The following FBXL17 variants were observed in gnomAD, a reference collection of about 807,000 sequenced individuals.
FBXL17 encodes the protein F-box/LRR-repeat protein 17.
Under a neutral mutation model 66.2 loss-of-function variants are expected in FBXL17, and 22 were observed. The observed-to-expected ratio is 0.33, with a 90% confidence interval of 0.24 to 0.47. The LOEUF is 0.47. FBXL17 is among the 20% of genes least tolerant of loss of function. The pLI, the probability that FBXL17 is intolerant of heterozygous loss-of-function variation, is 1.00. For synonymous variants in FBXL17, 474 were observed against 400.5 expected, an observed-to-expected ratio of 1.18 and a Z score of -2.19; for missense variants, 878 against 948.2, an observed-to-expected ratio of 0.93 and a Z score of 0.97.
chr5:108,058,507 C>CA (rs939321538), intron 6 of FBXL17, among the ~76,000 whole-genome samples: 1 of 148,864 alleles, frequency 6.7e-6, no homozygotes, highest in Non-Finnish European at 1.5e-5. Context: ...TTTTTTTTGA[C>CA]AGAGTCTTGC....
At chr5:108,352,700 G>A (rs1213457816) in intron 3 of FBXL17, among the ~76,000 whole-genome samples, 6 of 151,504 alleles carry the variant, frequency 4.0e-5, no homozygotes, top group South Asian at 2.1e-4. Flanking sequence ...TAGTAGACAC[G>A]GAGTTTCACT....
chr5:108,352,545 C>A (rs1175125911), intron 3 of FBXL17, among the ~76,000 whole-genome samples: 3 of 152,182 alleles, frequency 2.0e-5, no homozygotes, highest in Non-Finnish European at 4.4e-5. Flanking sequence ...GAGTTTCGCT[C>A]TTTCGCCCAG....
At chr5:107,899,024 C>T (rs1227474802) in intron 7 of FBXL17, among the ~76,000 whole-genome samples, 1 of 152,174 alleles carries the variant, frequency 6.6e-6, no homozygotes, top group Non-Finnish European at 1.5e-5. Context: ...GGTTCTAGAT[C>T]TTTGAGGAAT....
intron 6 of FBXL17, among the ~76,000 whole-genome samples, chr5:108,093,483 T>C (rs1035997989): frequency 1.3e-5 from 2 of 152,140 alleles, no homozygotes; most frequent in African/African-American, 2.4e-5. Context: ...CTAAAGAAGA[T>C]TTCCTTTGAA....
chr5:108,373,603 A>G (rs1163764123), intron 1 of FBXL17, among the ~76,000 whole-genome samples: 1 of 152,104 alleles, frequency 6.6e-6, no homozygotes, highest in East Asian at 1.9e-4. Flanking sequence ...TAAATGGGCT[A>G]AACTTTCCAG....
At chr5:107,902,898 A>G (rs1749622099) in intron 7 of FBXL17, among the ~76,000 whole-genome samples, 1 of 152,082 alleles carries the variant, frequency 6.6e-6, no homozygotes, top group South Asian at 2.1e-4. Context: ...CAGACAATTG[A>G]AATTTTACTG....
chr5:108,332,941 CAAAAAAAA>C (rs34218940), intron 4 of FBXL17, among the ~76,000 whole-genome samples: 2 of 34,768 alleles, frequency 5.8e-5, no homozygotes, highest in Admixed American at 8.7e-4. Context: ...AAAGCAAAAG[CAAAAAAAA>C]AAAAAAAAAA....
chr5:108,356,483 A>C (rs1205002289), intron 3 of FBXL17, among the ~76,000 whole-genome samples: 1 of 152,138 alleles, frequency 6.6e-6, no homozygotes, highest in Non-Finnish European at 1.5e-5. Context: ...AGGCAATAGG[A>C]TATTATTCAT....
intron 7 of FBXL17, among the ~76,000 whole-genome samples, chr5:107,921,606 C>G (rs1750322990): frequency 6.6e-6 from 1 of 152,154 alleles, no homozygotes; most frequent in Admixed American, 6.6e-5. Context: ...GTTAAACCAA[C>G]TCCACATACA....
chr5:108,346,529 A>T (rs999995097), intron 4 of FBXL17, among the ~76,000 whole-genome samples: 11 of 152,130 alleles, frequency 7.2e-5, no homozygotes, highest in Non-Finnish European at 1.6e-4. Context: ...TCAACAAGAA[A>T]AATAAAAGTC....
In FBXL17 at chr5:108,134,114, A is replaced by C. The variant is rs79326380; in HGVS notation, c.1745+52003T>G. On this transcript the variant is annotated intron_variant, in intron 6 of 8. Coordinates refer to ENST00000542267, the MANE Select transcript of FBXL17 (RefSeq NM_001163315.3). ...TCATTTTTTCCAAAAATGGCAAAAA[A>C]CAATAAATAGTGATTCTCAAGATAA... Among the ~76,000 whole-genome samples the C allele has an allele frequency of 4.4e-3, 667 of 152,278 alleles. 2 individuals are homozygous for C. The highest frequency in any genetic ancestry group is 0.015 in the African/African-American group (640 of 41,570).
chr5:108,001,799 C>T (rs191802693), intron 7 of FBXL17, among the ~76,000 whole-genome samples: 52 of 151,250 alleles, frequency 3.4e-4, no homozygotes, highest in African/African-American at 1.0e-3. Flanking sequence ...CGTGCCCAGC[C>T]GGAAAATTAG....
At chr5:108,354,255 G>A (rs1405118197) in intron 3 of FBXL17, among the ~76,000 whole-genome samples, 3 of 152,112 alleles carry the variant, frequency 2.0e-5, no homozygotes, top group Non-Finnish European at 4.4e-5. Context: ...AGATACAGCA[G>A]GAATGTTGGA....
At chr5:108,339,131 AAAAG>A (rs1204610964) in intron 4 of FBXL17, among the ~76,000 whole-genome samples, 7 of 152,238 alleles carry the variant, frequency 4.6e-5, no homozygotes, top group Admixed American at 6.5e-5. Context: ...CTTTATTTAA[AAAAG>A]AAAGAAAGAA....
intron 7 of FBXL17, among the ~76,000 whole-genome samples, chr5:107,935,975 A>C (rs1380315166): frequency 6.6e-6 from 1 of 152,150 alleles, no homozygotes; most frequent in Admixed American, 6.6e-5. Flanking sequence ...GTACACAGAA[A>C]AACTTAATTG....
In FBXL17 at chr5:108,381,654, G is replaced by A. The variant is rs1166070784; in HGVS notation, c.38C>T (p.Pro13Leu). The A allele has an allele frequency of 4.7e-6, 7 of 1,477,364 alleles. No homozygotes were observed. The South Asian group carries it at 6.4e-5, about 13-fold the overall frequency. 91.5% of individuals were successfully genotyped at this position (1,477,364 alleles called of 1,614,324 possible). A position where few individuals can be genotyped will look rare whatever the true frequency, so the allele number is the denominator to read the frequency against. Residue 13 changes from proline to leucine, a missense_variant, in exon 1 of 9, where the codon CCG (proline) becomes CTG (leucine). By Grantham distance (98) the Pro-to-Leu change is moderately conservative. Around this residue, in one of 4 missense-constraint regions of FBXL17, gnomAD observed 605 missense variants for 509.5 expected, o/e 1.19. Coordinates refer to ENST00000542267, the MANE Select transcript of FBXL17 (RefSeq NM_001163315.3). The stretch of plus-strand genomic sequence containing the variant: ...GCAACAGCGAGGCCTCTTCTGGCTC[G>A]GGCGGTTACGCGGCTCCTTCGAGAG... The part of the protein sequence containing the change: ...HLLSKEPRNR[P>L]SQKRPRCCSW...
In FBXL17 at chr5:108,148,943, T is replaced by G. The variant is rs140767542; in HGVS notation, c.1745+37174A>C. On this transcript the variant is annotated intron_variant, in intron 6 of 8. Transcript: ENST00000542267. ...TAATCTCTTAAATGTTAACTACATGTCAGTCCTGTGTTATGTAAAACATTA... is the reference window on the plus strand; with the variant it reads ...TAATCTCTTAAATGTTAACTACATGGCAGTCCTGTGTTATGTAAAACATTA... 3.5e-3 allele frequency among the ~76,000 whole-genome samples: 527 copies of G among 152,350 alleles called. 3 individuals carry two copies. Among genetic ancestry groups the G allele is most frequent in the African/African-American group, 0.012 (501 of 41,574 alleles).
At chr5:107,980,936 G>A (rs1752800178) in intron 7 of FBXL17, among the ~76,000 whole-genome samples, 2 of 151,850 alleles carry the variant, frequency 1.3e-5, no homozygotes, top group Non-Finnish European at 2.9e-5. Flanking sequence ...GAGGCACCGC[G>A]CCCGGCCAAA....
intron 6 of FBXL17, among the ~76,000 whole-genome samples, chr5:108,130,148 T>G (rs913495303): frequency 6.6e-6 from 1 of 151,888 alleles, no homozygotes; most frequent in Non-Finnish European, 1.5e-5. Context: ...TAATTTACTT[T>G]TAAAATATAA....
Sources: gnomAD v4.1 joint callset for allele counts (sites outside exome capture counted in the v4.1 genomes callset) on GRCh38, gnomAD v4.1.1 for gene constraint, gnomAD v4.1.1 regional missense constraint, MANE v1.5 for transcripts, NCBI Gene and HGNC (gene_info 2026-07-23, HGNC 2026-07-21) for gene names.